The following TOR1AIP2 variants were observed in gnomAD, a reference collection of about 807,000 sequenced individuals.
The protein encoded by TOR1AIP2 is torsin 1A interacting protein 2, also known as torsin-1A-interacting protein 2.
Under a neutral mutation model 32.6 loss-of-function variants are expected in TOR1AIP2, and 20 were observed. The ratio of observed to expected loss-of-function variants is 0.61; its 90% confidence interval spans 0.43 to 0.89. TOR1AIP2 has a LOEUF of 0.89. Ranked by LOEUF, TOR1AIP2 falls within the 40% of genes least tolerant of loss-of-function variation. The pLI is 0.00. For synonymous variants in TOR1AIP2, 214 were observed against 210.8 expected (o/e 1.02, Z -0.13); for missense variants, 456 against 553.8 (o/e 0.82, Z 1.77).
chr1:179,852,584 CCT>C, intron 4 of TOR1AIP2, 46 bp downstream of exon 4: 1 of 1,602,318 alleles, frequency 6.2e-7, no homozygotes, highest in South Asian at 1.1e-5. Context: ...TCTGCACACC[CCT>C]GGTTTCCTAC....
At chr1:179,876,155 A>G (rs1647290240) in intron 2 of TOR1AIP2, 1 of 152,192 alleles carries the variant, frequency 6.6e-6, no homozygotes, top group African/African-American at 2.4e-5. Context: ...TTCAAGTGGC[A>G]CTTCAAAGAA....
chr1:179,862,195 A>G, intron 3 of TOR1AIP2: 1 of 984,140 alleles, frequency 1.0e-6, no homozygotes, highest in Non-Finnish European at 1.2e-6. Flanking sequence ...GACTAAAACA[A>G]AAACAAAAAC....
chr1:179,872,398 T>C (rs763978320), intron 2 of TOR1AIP2, among the ~76,000 whole-genome samples: 1 of 152,232 alleles, frequency 6.6e-6, no homozygotes, highest in Non-Finnish European at 1.5e-5. Context: ...GTGCTAGCTA[T>C]TTATTGTCTG....
At chr1:179,850,693 T>A in intron 5 of TOR1AIP2, 152 bp downstream of exon 5, 1 of 860,818 alleles carries the variant, frequency 1.2e-6, no homozygotes, top group Non-Finnish European at 1.7e-6. Flanking sequence ...ATCAACTCAG[T>A]CATGGCTTGG....
rs1158887837 is a variant in TOR1AIP2 at position 179,842,470 on chromosome 1, A to G, written c.*3601T>C. ...GTCCGCCAACTCCTGGAAACTAACC[A>G]GAAAACCTAAAATTTACCCTAAGGG... On this transcript the variant is annotated 3_prime_UTR_variant, in exon 7 of 7. Coordinates refer to ENST00000609928, the MANE Select transcript of TOR1AIP2 (RefSeq NM_001199260.2). 6.6e-6 allele frequency: 1 copy of G among 152,256 alleles called. No homozygotes were observed. The highest frequency in any genetic ancestry group is 1.9e-4 in the East Asian group (1 of 5,204). The allele number at this position is 152,256 out of a possible 1,614,324, so 9.4% of individuals were successfully genotyped here.
At chr1:179,847,166 T>A (rs1302823425) in intron 6 of TOR1AIP2, among the ~76,000 whole-genome samples, 1 of 152,210 alleles carries the variant, frequency 6.6e-6, no homozygotes, top group Non-Finnish European at 1.5e-5. Context: ...GATCAAGATT[T>A]TTTTTCATCT....
chr1:179,850,816 C>T, intron 5 of TOR1AIP2, 29 bp downstream of exon 5: 1 of 1,600,642 alleles, frequency 6.2e-7, no homozygotes, highest in Non-Finnish European at 8.5e-7. Flanking sequence ...CAGTACAAAA[C>T]AGGAGAGTAG....
chr1:179,856,667 A>T (rs528397570), intron 3 of TOR1AIP2, among the ~76,000 whole-genome samples: 2 of 152,078 alleles, frequency 1.3e-5, no homozygotes, highest in South Asian at 2.1e-4. Context: ...CATAGGCTGG[A>T]GTGAAGTGGT....
chr1:179,846,413 A>G lies in TOR1AIP2; in HGVS notation c.1071T>C (p.Asn357=), dbSNP rs201302604. The G allele has an allele frequency of 3.7e-6, 6 of 1,614,208 alleles. No homozygotes were observed. Among genetic ancestry groups the G allele is most frequent in the Non-Finnish European group, 5.1e-6 (6 of 1,180,046 alleles). The change falls in exon 7 of 7, where the codon AAT becomes AAC. Residue 357 remains asparagine, a synonymous_variant. Coordinates refer to ENST00000609928, the MANE Select transcript of TOR1AIP2 (RefSeq NM_001199260.2). ...GGTGTACCACAGCAGCCTTCTGGCC[A>G]TTCTCAAACCCATAGCTCAGCTCCA... The part of the protein sequence containing the change: ...VDLELSYGFE[N]GQKAAVVHHF...
chr1:179,844,082 T>C lies in TOR1AIP2; in HGVS notation c.*1989A>G, dbSNP rs1037723428. The stretch of plus-strand genomic sequence containing the variant: ...AGCACAGGTCAGCAGGCCAATATAA[T>C]AGTTATACAAGGCAACACTGGTTTT... On this transcript the variant is annotated 3_prime_UTR_variant, in exon 7 of 7. Coordinates refer to ENST00000609928, the MANE Select transcript of TOR1AIP2 (RefSeq NM_001199260.2). 1.3e-5 allele frequency: 2 copies of C among 152,208 alleles called. No individual in the cohort carries two copies. The highest frequency in any genetic ancestry group is 6.5e-5 in the Admixed American group (1 of 15,278). The allele number at this position is 152,208 out of a possible 1,614,324, so 9.4% of individuals were successfully genotyped here.
At chr1:179,852,486 A>G (rs1696153999) in intron 4 of TOR1AIP2, 146 bp downstream of exon 4, 8 of 734,834 alleles carry the variant, frequency 1.1e-5, no homozygotes, top group African/African-American at 1.8e-5. Context: ...TAAATTTGAA[A>G]GAATAAGTAT....
intron 3 of TOR1AIP2, chr1:179,861,158 T>G (rs2148442338): frequency 1.0e-6 from 1 of 985,452 alleles, no homozygotes; most frequent in East Asian, 1.1e-4. Flanking sequence ...TATTACCAAC[T>G]CTTCCACACT....
At chr1:179,862,690 G>T in intron 3 of TOR1AIP2, 3 of 973,532 alleles carry the variant, frequency 3.1e-6, no homozygotes, top group Non-Finnish European at 3.7e-6. Context: ...CACTGTCGGA[G>T]GTCAGGGCAG....
intron 3 of TOR1AIP2, chr1:179,859,939 T>G (rs1255908139): frequency 1.6e-4 from 109 of 702,280 alleles, no homozygotes; most frequent in Non-Finnish European, 1.9e-4. Flanking sequence ...GAGGCTCAAG[T>G]GATCCTCCCA....
At chr1:179,861,486 T>C (rs1696528447) in intron 3 of TOR1AIP2, 1 of 984,818 alleles carries the variant, frequency 1.0e-6, no homozygotes. Flanking sequence ...GAAGGCAAAG[T>C]AACCCTCTTA....
Position 179,842,358 on chromosome 1 carries a change from C to T in TOR1AIP2, c.*3713G>A, listed in dbSNP as rs1695748280. On this transcript the variant is annotated 3_prime_UTR_variant, in exon 7 of 7. Transcript: ENST00000609928. ...TTCCAAATGAAATGTATTGAAATGT[C>T]TTTATTGATTGCTTTTTAAAATAGA... 1 of 152,166 alleles carries T rather than the reference C, an allele frequency of 6.6e-6. No homozygotes were observed. The highest frequency in any genetic ancestry group is 1.5e-5 in the Non-Finnish European group (1 of 68,024). 9.4% of individuals were successfully genotyped at this position (152,166 alleles called of 1,614,324 possible).
Position 179,850,696 on chromosome 1 carries a change from T to C in TOR1AIP2, c.553+149A>G, listed in dbSNP as rs572483879. On this transcript the variant is annotated intron_variant, in intron 5 of 6. Coordinates refer to ENST00000609928, the MANE Select transcript of TOR1AIP2 (RefSeq NM_001199260.2). ...CCTCATTCTAAAATCAACTCAGTCATGGCTTGGTGTGAGCTTGGGCAAGGC... is the reference window on the plus strand; with the variant it reads ...CCTCATTCTAAAATCAACTCAGTCACGGCTTGGTGTGAGCTTGGGCAAGGC... The C allele has an allele frequency of 9.1e-6, 8 of 881,604 alleles. No homozygotes were observed. In the South Asian group the frequency reaches 1.5e-4, roughly 16 times the overall value. 54.6% of individuals were successfully genotyped at this position (881,604 alleles called of 1,614,324 possible).
At chr1:179,860,361 AG>A (rs11313615) in intron 3 of TOR1AIP2, 11,603 of 744,020 alleles carry the variant, frequency 0.016, 424 homozygotes, top group African/African-American at 0.12. Flanking sequence ...GCAAGCCTGT[AG>A]TCACAGCTAC....
chr1:179,859,612 T>C (rs1696437412), intron 3 of TOR1AIP2: 1 of 985,318 alleles, frequency 1.0e-6, no homozygotes, highest in African/African-American at 1.7e-5. Flanking sequence ...TATTTCAGTG[T>C]TGTGGAAAGT....
Sources: allele counts gnomAD v4.1 joint callset (sites outside exome capture counted in the v4.1 genomes callset), GRCh38; gene constraint gnomAD v4.1.1; transcripts MANE v1.5; gene names NCBI Gene and HGNC (gene_info 2026-07-23, HGNC 2026-07-21).